The following LNX1 variants were observed in gnomAD, a reference collection of about 807,000 sequenced individuals.
LNX1 encodes the protein ligand of numb-protein X 1.
Under a neutral mutation model 68.4 loss-of-function variants are expected in LNX1, and 54 were observed. That is an observed-to-expected ratio of 0.79 (90% confidence interval 0.63 to 0.99). The LOEUF is 0.99. LNX1 is among the 50% of genes least tolerant of loss of function. The pLI is 0.00. For missense variants in LNX1, 906 were observed against 926.4 expected, an observed-to-expected ratio of 0.98 and a Z score of 0.29; for synonymous variants, 336 against 350.0, an observed-to-expected ratio of 0.96 and a Z score of 0.45.
chr4:53,514,771 G>A (rs1726629736), intron 2 of LNX1, among the ~76,000 whole-genome samples: 1 of 152,128 alleles, frequency 6.6e-6, no homozygotes, highest in South Asian at 2.1e-4. Flanking sequence ...TTGGACTATA[G>A]CATCTCAGTG....
At chr4:53,575,729 GC>G (rs1310397583) in intron 1 of LNX1, 33 of 1,458,170 alleles carry the variant, frequency 2.3e-5, no homozygotes, top group Non-Finnish European at 3.0e-5. Context: ...TGCTGTGGGG[GC>G]CACAGCTCTG....
At chr4:53,609,626 G>C (rs1448671026) in intron 2 of LNX1, among the ~76,000 whole-genome samples, 4 of 143,438 alleles carry the variant, frequency 2.8e-5, no homozygotes, top group Admixed American at 7.1e-5. Context: ...GTTATAAATA[G>C]TATATATAAT....
chr4:53,575,336 A>G (rs1300194756), intron 1 of LNX1, among the ~76,000 whole-genome samples: 2 of 152,188 alleles, frequency 1.3e-5, no homozygotes, highest in East Asian at 1.9e-4. Flanking sequence ...TTCCTTTAAC[A>G]TAGATAGGAG....
intron 1 of LNX1, among the ~76,000 whole-genome samples, chr4:53,585,872 C>A (rs865921745): frequency 6.6e-6 from 1 of 152,090 alleles, no homozygotes; most frequent in South Asian, 2.1e-4. Flanking sequence ...TTTGTTATGG[C>A]AGCCCTAGAA....
intron 2 of LNX1, among the ~76,000 whole-genome samples, chr4:53,548,381 G>A (rs1729255292): frequency 6.6e-6 from 1 of 152,084 alleles, no homozygotes; most frequent in Admixed American, 6.5e-5. Flanking sequence ...TTTTGTGCCT[G>A]TTTTATCATG....
chr4:53,548,431 A>C (rs769735365), intron 2 of LNX1, among the ~76,000 whole-genome samples: 3 of 152,244 alleles, frequency 2.0e-5, no homozygotes, highest in Non-Finnish European at 4.4e-5. Flanking sequence ...AATTTTATAT[A>C]GATAACTATA....
intron 1 of LNX1, among the ~76,000 whole-genome samples, chr4:53,574,882 C>G (rs1285194194): frequency 6.6e-5 from 10 of 152,218 alleles, no homozygotes; most frequent in Admixed American, 1.3e-4. Flanking sequence ...TTCATTGTCT[C>G]TAGTCTAGCT....
At chr4:53,607,111 A>T (rs1279818420) in intron 2 of LNX1, among the ~76,000 whole-genome samples, 1 of 152,198 alleles carries the variant, frequency 6.6e-6, no homozygotes, top group Non-Finnish European at 1.5e-5. Flanking sequence ...TGGCTAGAGC[A>T]GTCAGGCAAG....
At chr4:53,612,414 C>T (rs566639560) in intron 2 of LNX1, among the ~76,000 whole-genome samples, 12 of 152,314 alleles carry the variant, frequency 7.9e-5, no homozygotes, top group African/African-American at 2.6e-4. Context: ...AAGATTCATA[C>T]ACAAGGTGTT....
At chr4:53,511,200 C>T (rs772193941) in intron 2 of LNX1, among the ~76,000 whole-genome samples, 4 of 152,174 alleles carry the variant, frequency 2.6e-5, no homozygotes, top group Admixed American at 6.5e-5. Flanking sequence ...TTAGCTTTCT[C>T]CAGTCTCTTG....
chr4:53,610,176 A>C (rs1048969092), intron 2 of LNX1, among the ~76,000 whole-genome samples: 10 of 152,168 alleles, frequency 6.6e-5, no homozygotes, highest in Non-Finnish European at 1.2e-4. Context: ...ACCTGACTAC[A>C]AAGAAAACTT....
intron 2 of LNX1, among the ~76,000 whole-genome samples, chr4:53,597,712 T>C (rs1322800308): frequency 1.3e-5 from 2 of 152,336 alleles, no homozygotes; most frequent in East Asian, 3.9e-4. Context: ...GCCTTCTAGC[T>C]TTGTTTCCCT....
At chr4:53,521,239 C>T (rs1474258738) in intron 2 of LNX1, among the ~76,000 whole-genome samples, 6 of 152,070 alleles carry the variant, frequency 3.9e-5, no homozygotes, top group African/African-American at 1.4e-4. Context: ...TTTGAGTCCT[C>T]GTGTTTTTGT....
chr4:53,488,970 G>A (rs762997215), intron 6 of LNX1, among the ~76,000 whole-genome samples: 5 of 152,138 alleles, frequency 3.3e-5, no homozygotes, highest in Non-Finnish European at 5.9e-5. Flanking sequence ...ACTGAGCAAC[G>A]AGTTGGAGGC....
At chr4:53,540,645 G>A (rs1728693080) in intron 2 of LNX1, among the ~76,000 whole-genome samples, 1 of 151,900 alleles carries the variant, frequency 6.6e-6, no homozygotes, top group African/African-American at 2.4e-5. Flanking sequence ...TTGCGCCACT[G>A]CACTCCAGCC....
Position 53,478,648 on chromosome 4 carries a change from G to A in LNX1, c.1580C>T (p.Ser527Leu), listed in dbSNP as rs1723723209. ...SLGMTVAGGA[S>L]HREWDLPIYV... ...GATAGGCAAATCCCATTCTCTATGT[G>A]ATGCTCCCCCTGCGACGGTCATGCC... Residue 527 changes from serine (S) to leucine (L), a missense_variant, in exon 8 of 11, where the codon TCA becomes TTA. Ser to Leu is a moderately radical substitution (Grantham distance 145, BLOSUM62 -2). Transcript: ENST00000263925. 4 of 1,613,880 alleles carry A rather than the reference G, an allele frequency of 2.5e-6. No homozygotes were observed. In the South Asian group the frequency reaches 4.4e-5, roughly 18 times the overall value.
chr4:53,478,513 T>A (rs1723712136), intron 8 of LNX1, 52 bp downstream of exon 8: 4 of 1,486,358 alleles, frequency 2.7e-6, no homozygotes, highest in Non-Finnish European at 3.7e-6. Flanking sequence ...AGCTACTAAT[T>A]TCTCTTGATT....
intron 9 of LNX1, among the ~76,000 whole-genome samples, 188 bp from the exon 10 acceptor site, chr4:53,461,781 C>T (rs1722137687): frequency 6.6e-6 from 1 of 152,054 alleles, no homozygotes; most frequent in Admixed American, 6.6e-5. Flanking sequence ...TGTAATTGAA[C>T]CTGTTTTCCA....
chr4:53,643,800 G>A (rs1314334245), intron 1 of LNX1, among the ~76,000 whole-genome samples: 1 of 152,162 alleles, frequency 6.6e-6, no homozygotes, highest in Non-Finnish European at 1.5e-5. Flanking sequence ...GGACTTTTCA[G>A]AATTATGAAA....
Sources: gnomAD v4.1 joint callset for allele counts (sites outside exome capture counted in the v4.1 genomes callset) on GRCh38, gnomAD v4.1.1 for gene constraint, MANE v1.5 for transcripts, NCBI Gene and HGNC (gene_info 2026-07-23, HGNC 2026-07-21) for gene names.